The following FHIT variants were observed in gnomAD, a reference collection of about 807,000 sequenced individuals.
FHIT encodes fragile histidine triad diadenosine triphosphatase.
A neutral mutation model predicts 17.9 loss-of-function variants in FHIT; 19 were observed. That is an observed-to-expected ratio of 1.06 (90% CI 0.74 to 1.56). FHIT has a LOEUF of 1.56. Among genes scored for constraint, FHIT ranks in the 40% most tolerant of loss-of-function variants. The probability of loss-of-function intolerance (pLI) is 0.00; values close to 1 mark genes in which losing one functional copy is unlikely to be tolerated. For synonymous variants in FHIT, 81 were observed against 69.7 expected (o/e 1.16, Z -0.81); for missense variants, 248 against 189.2 (o/e 1.31, Z -1.82).
At chr3:59,853,446 T>C (rs1467027431) in intron 8 of FHIT, among the ~76,000 whole-genome samples, 1 of 152,206 alleles carries the variant, frequency 6.6e-6, no homozygotes, top group East Asian at 1.9e-4. Flanking sequence ...TATTATGTGA[T>C]TTGCAAGTCC....
At chr3:61,239,781 A>ATATATATATATATATATATATT (rs2040328384) in intron 1 of FHIT, among the ~76,000 whole-genome samples, 2 of 145,192 alleles carry the variant, frequency 1.4e-5, no homozygotes, top group African/African-American at 5.2e-5. Context: ...ATATATATAT[A>ATATATATATATATATATATATT]TATACACAAA....
At chr3:59,991,867 C>A (rs115554571) in intron 7 of FHIT, among the ~76,000 whole-genome samples, 2 of 152,154 alleles carry the variant, frequency 1.3e-5, no homozygotes, top group African/African-American at 4.8e-5. Flanking sequence ...GAGAGAAACA[C>A]AGAGTCTTGA....
intron 4 of FHIT, among the ~76,000 whole-genome samples, chr3:60,728,005 AAAAT>A (rs1553710061): frequency 6.6e-6 from 1 of 152,238 alleles, no homozygotes; most frequent in Admixed American, 6.5e-5. Flanking sequence ...CTCCGTCTCA[AAAAT>A]AAATAAATAA....
intron 5 of FHIT, among the ~76,000 whole-genome samples, chr3:60,502,314 G>C (rs1241839898): frequency 6.6e-6 from 1 of 152,090 alleles, no homozygotes; most frequent in East Asian, 1.9e-4. Flanking sequence ...GGTCATAGAG[G>C]AAGACCTGGG....
At chr3:60,522,585 T>G (rs911584694) in intron 5 of FHIT, among the ~76,000 whole-genome samples, 1 of 152,184 alleles carries the variant, frequency 6.6e-6, no homozygotes, top group African/African-American at 2.4e-5. Flanking sequence ...AGACAAGATT[T>G]GGCAGGAGTA....
intron 5 of FHIT, among the ~76,000 whole-genome samples, chr3:60,093,275 C>T (rs1308892386): frequency 6.6e-6 from 1 of 152,282 alleles, no homozygotes; most frequent in Middle Eastern, 3.4e-3. Context: ...TAGAGTCCAA[C>T]TACATTCCTT....
chr3:61,019,986 G>C (rs111725731), intron 3 of FHIT, among the ~76,000 whole-genome samples: 11,163 of 152,100 alleles, frequency 0.073, 563 homozygotes, highest in Middle Eastern at 0.11. Context: ...ATCTACATTA[G>C]GTATTTCTCC....
At chr3:60,772,404 C>T (rs1340844173) in intron 4 of FHIT, among the ~76,000 whole-genome samples, 8 of 148,054 alleles carry the variant, frequency 5.4e-5, no homozygotes, top group African/African-American at 1.2e-4. Flanking sequence ...AAGTCACTAA[C>T]CAGAATACGA....
intron 5 of FHIT, among the ~76,000 whole-genome samples, chr3:60,173,915 A>ATATT: frequency 1.5e-5 from 1 of 66,442 alleles, no homozygotes; most frequent in Non-Finnish European, 2.8e-5. Context: ...ATATATATAT[A>ATATT]TGTTTTTTTT....
intron 5 of FHIT, among the ~76,000 whole-genome samples, chr3:60,226,412 C>T (rs1056058977): frequency 7.5e-5 from 10 of 133,716 alleles, no homozygotes; most frequent in African/African-American, 2.6e-4. Flanking sequence ...GCGGAGGTTG[C>T]GGTGAGCTGA....
At position 60,137,537 on chromosome 3, in the gene FHIT, A is replaced by G. The variant is rs555172923; in HGVS notation, c.104-123385T>C. Among the ~76,000 whole-genome samples, 18 of 152,312 alleles carry G rather than the reference A, an allele frequency of 1.2e-4. 1 individual carries two copies. The highest frequency in any genetic ancestry group is 4.3e-4 in the African/African-American group (18 of 41,586). Reference sequence around the variant, plus strand: ...GCCAGACACTCTTGTTTCAGCAATCATGTGACTATGTGATGAGGGCTGGCT... The same window carrying G: ...GCCAGACACTCTTGTTTCAGCAATCGTGTGACTATGTGATGAGGGCTGGCT... On this transcript the variant is annotated intron_variant, in intron 5 of 9. Coordinates refer to ENST00000492590, the MANE Select transcript of FHIT (RefSeq NM_002012.4).
chr3:60,389,711 G>C (rs1249556075), intron 5 of FHIT, among the ~76,000 whole-genome samples: 1 of 152,156 alleles, frequency 6.6e-6, no homozygotes, highest in Admixed American at 6.6e-5. Flanking sequence ...TTACCGTGTA[G>C]CCATATTTCA....
intron 3 of FHIT, among the ~76,000 whole-genome samples, chr3:60,888,781 T>C (rs1553759893): frequency 2.6e-5 from 4 of 152,226 alleles, no homozygotes; most frequent in Admixed American, 1.3e-4. Context: ...TGTATTTATT[T>C]AACTTTTTAT....
At chr3:60,371,365 CT>C (rs56390367) in intron 5 of FHIT, among the ~76,000 whole-genome samples, 19 of 148,904 alleles carry the variant, frequency 1.3e-4, no homozygotes, top group Admixed American at 2.7e-4. Flanking sequence ...TTTCTTCTAG[CT>C]TTTTTTTTTA....
At chr3:60,819,479 T>G (rs1701854076) in intron 4 of FHIT, among the ~76,000 whole-genome samples, 1 of 152,216 alleles carries the variant, frequency 6.6e-6, no homozygotes, top group Non-Finnish European at 1.5e-5. Flanking sequence ...ATTTCTTTGG[T>G]CTCAGATATC....
chr3:60,755,205 T>G (rs2042548359), intron 4 of FHIT, among the ~76,000 whole-genome samples: 1 of 152,198 alleles, frequency 6.6e-6, no homozygotes, highest in Non-Finnish European at 1.5e-5. Flanking sequence ...TCAAGTGTTT[T>G]CCAGCAGTCA....
At chr3:59,761,431 GCTCT>G (rs928381364) in intron 8 of FHIT, among the ~76,000 whole-genome samples, 1 of 152,034 alleles carries the variant, frequency 6.6e-6, no homozygotes, top group Non-Finnish European at 1.5e-5. Context: ...CCCTATGTAT[GCTCT>G]CTGTTTTCTT....
intron 5 of FHIT, among the ~76,000 whole-genome samples, chr3:60,183,772 A>C (rs576359069): frequency 3.0e-4 from 46 of 152,152 alleles, no homozygotes; most frequent in Non-Finnish European, 4.9e-4. Flanking sequence ...CTAAGAAAAA[A>C]TATTTCCTAC....
At chr3:60,881,836 CAAGAACAAA>C (rs1553758039) in intron 3 of FHIT, among the ~76,000 whole-genome samples, 2 of 151,568 alleles carry the variant, frequency 1.3e-5, no homozygotes, top group African/African-American at 4.8e-5. Flanking sequence ...TCTAACAGTG[CAAGAACAAA>C]AATGAAAACA....
Sources: gnomAD v4.1 joint callset for allele counts (sites outside exome capture counted in the v4.1 genomes callset) on GRCh38, gnomAD v4.1.1 for gene constraint, MANE v1.5 for transcripts, NCBI Gene and HGNC (gene_info 2026-07-23, HGNC 2026-07-21) for gene names.